Variants in ZNF512B observed in about 807,000 individuals in gnomAD.
The protein encoded by ZNF512B is zinc finger protein 512B.
Under a neutral mutation model 87.8 loss-of-function variants are expected in ZNF512B, and 22 were observed. The observed-to-expected ratio is 0.25, with a 90% CI of 0.18 to 0.36. The LOEUF (loss-of-function observed/expected upper bound fraction) is 0.36. Among genes scored for constraint, ZNF512B ranks in the 10% least tolerant of loss-of-function variants. The pLI, the probability that ZNF512B is intolerant of heterozygous loss-of-function variation, is 1.00. For missense variants in ZNF512B, 1,060 were observed against 1,231.6 expected (o/e 0.86, Z 2.09); for synonymous variants, 524 against 490.9 (o/e 1.07, Z -0.89).
Position 63,958,463 on chromosome 20 carries a change from C to G in ZNF512B, c.*1425G>C, listed in dbSNP as rs987679182. ...CCACTACACCCAGGAGACACACGCA[C>G]ACGGGCAAACATCAAAATTCTCATC... On this transcript the variant is annotated 3_prime_UTR_variant, in exon 17 of 17. Coordinates refer to ENST00000369888, the MANE Select transcript of ZNF512B (RefSeq NM_020713.3). 6.6e-6 allele frequency: 1 copy of G among 152,386 alleles called. No homozygotes were observed. Among genetic ancestry groups the G allele is most frequent in the African/African-American group, 2.4e-5 (1 of 41,456 alleles). 9.4% of individuals were successfully genotyped at this position (152,386 alleles called of 1,614,324 possible).
chr20:63,966,387 G>A lies in ZNF512B; in HGVS notation c.788C>T (p.Ser263Phe). 6.2e-7 allele frequency: 1 copy of A among 1,613,866 alleles called. No homozygotes were observed. The highest frequency in any genetic ancestry group is 8.5e-7 in the Non-Finnish European group (1 of 1,179,898). Reference protein sequence around the residue: ...PVTKPITVTKSVPVTKPVPVT... With the variant: ...PVTKPITVTKFVPVTKPVPVT... The stretch of plus-strand genomic sequence containing the variant: ...AGGTACGGGTTTGGTGACCGGCACA[G>A]ACTTGGTGACTGTGATGGGTTTGGT... The change falls in exon 5 of 17, where the codon TCT (serine) becomes TTT (phenylalanine). Residue 263 changes from serine to phenylalanine, a missense_variant. Ser to Phe is a radical substitution (Grantham distance 155, BLOSUM62 -2). Around this residue, in one of 9 missense-constraint regions of ZNF512B, gnomAD observed 201 missense variants for 226.8 expected, o/e 0.89. Transcript: ENST00000369888.
chr20:63,962,135 C>A, intron 14 of ZNF512B, 131 bp from the exon 15 acceptor site: 4 of 1,297,764 alleles, frequency 3.1e-6, no homozygotes, highest in South Asian at 2.7e-5. Flanking sequence ...GGGGACTGGG[C>A]AGGCTGGGCA....
At chr20:63,965,024 G>A (rs560628222) in intron 5 of ZNF512B, among the ~76,000 whole-genome samples, 5 of 26,594 alleles carry the variant, frequency 1.9e-4, no homozygotes, top group African/African-American at 1.1e-3. Context: ...GACCTGGGAC[G>A]AGCCCCCATA....
Position 63,964,119 on chromosome 20 carries a change from T to C in ZNF512B, c.1432A>G (p.Ile478Val). The change falls in exon 8 of 17, where the codon ATC becomes GTC. Residue 478 changes from isoleucine (I) to valine (V), a missense_variant. This residue lies in a region of ZNF512B where 212 missense variants were observed against 207.6 expected (regional missense o/e 1.02). Transcript: ENST00000369888. ...GCCGGTGCCTCCTTGCTGACAGTGA[T>C]GGGGGCAGCTGGCACCTTCTTCCGG... ...DARKKVPAAP[I>V]TVSKEAPAPV... 6.2e-7 allele frequency: 1 copy of C among 1,608,232 alleles called. No individual in the cohort carries two copies. The highest frequency in any genetic ancestry group is 8.5e-7 in the Non-Finnish European group (1 of 1,178,242).
chr20:63,967,288 G>A lies in ZNF512B; in HGVS notation c.264+93C>T, dbSNP rs1022459183. On this transcript the variant is annotated intron_variant, in intron 3 of 16. Transcript: ENST00000369888. Reference sequence around the variant, plus strand: ...TGCCCACATCTTGAGGCATAGAGTTGGTACCAGATGTGCAGAGGACAAATC... The same window carrying A: ...TGCCCACATCTTGAGGCATAGAGTTAGTACCAGATGTGCAGAGGACAAATC... The A allele has an allele frequency of 5.4e-6, 8 of 1,491,188 alleles. No individual in the cohort carries two copies. In the African/African-American group the frequency reaches 8.4e-5, roughly 16 times the overall value. 92.4% of individuals were successfully genotyped at this position (1,491,188 alleles called of 1,614,324 possible).
At position 63,957,210 on chromosome 20, in the gene ZNF512B, C is replaced by T. The variant is rs1390812880; in HGVS notation, c.*2678G>A. On this transcript the variant is annotated 3_prime_UTR_variant, in exon 17 of 17. Coordinates refer to ENST00000369888, the MANE Select transcript of ZNF512B (RefSeq NM_020713.3). ...CTTTGCACCAGCAAATAAAGTGCAT[C>T]CCATTTTCGTGTGAGCGTCGGCCCG... The T allele has an allele frequency of 6.6e-6, 1 of 152,650 alleles. No individual in the cohort carries two copies. The highest frequency in any genetic ancestry group is 6.5e-5 in the Admixed American group (1 of 15,292). The allele number at this position is 152,650 out of a possible 1,614,324, so 9.5% of individuals were successfully genotyped here.
Position 63,966,489 on chromosome 20 carries a change from G to A in ZNF512B, c.686C>T (p.Pro229Leu), listed in dbSNP as rs202032995. The A allele has an allele frequency of 6.8e-6, 11 of 1,614,008 alleles. No homozygotes were observed. Among genetic ancestry groups the A allele is most frequent in the African/African-American group, 4.0e-5 (3 of 75,048 alleles). Residue 229 changes from proline to leucine, a missense_variant, in exon 5 of 17, where the codon CCG (proline) becomes CTG (leucine). Coordinates refer to ENST00000369888, the MANE Select transcript of ZNF512B (RefSeq NM_020713.3). ...GGTGACTGGCACGGGCCTAGTGACCGGGATGGCCTTGGTGACTGGCATGGG... is the reference window on the plus strand; with the variant it reads ...GGTGACTGGCACGGGCCTAGTGACCAGGATGGCCTTGGTGACTGGCATGGG... Reference protein sequence around the residue: ...GRPMPVTKAIPVTRPVPVTKP... With the variant: ...GRPMPVTKAILVTRPVPVTKP...
In ZNF512B at chr20:63,962,992, G is replaced by A. The variant is rs137981139; in HGVS notation, c.1968+103C>T. The stretch of plus-strand genomic sequence containing the variant: ...TTACAGAGAGGGGTGGGAAACACAC[G>A]CGTTGGGCGGTACATGGACAAATAC... On this transcript the variant is annotated intron_variant, in intron 12 of 16. Coordinates refer to ENST00000369888, the MANE Select transcript of ZNF512B (RefSeq NM_020713.3). 4.2e-4 allele frequency: 588 copies of A among 1,392,298 alleles called. 1 individual carries two copies. In the African/African-American group the frequency reaches 6.7e-3, roughly 16 times the overall value. 86.2% of individuals were successfully genotyped at this position (1,392,298 alleles called of 1,614,324 possible).
chr20:63,966,570 T>C lies in ZNF512B; in HGVS notation c.605A>G (p.Lys202Arg). Residue 202 changes from lysine (K) to arginine (R), a missense_variant, in exon 5 of 17, where the codon AAA (lysine) becomes AGA (arginine). By Grantham distance (26) the Lys-to-Arg change is conservative (BLOSUM62 2). Transcript: ENST00000369888. ...AATGGGTTTGCTGACACCCACAGGT[T>C]TGCCAATAGTGACAGGTTTGCTCAC... ...IGVSKPVTIG[K>R]PVGVSKPIGI... is the part of the protein sequence containing the mutation. 1 of 1,613,872 alleles carries C rather than the reference T, an allele frequency of 6.2e-7. No individual in the cohort carries two copies. The highest frequency in any genetic ancestry group is 8.5e-7 in the Non-Finnish European group (1 of 1,179,996).
chr20:63,967,103 C>T (rs1050293510), intron 3 of ZNF512B, 99 bp from the exon 4 acceptor site: 14 of 1,545,272 alleles, frequency 9.1e-6, no homozygotes, highest in African/African-American at 6.9e-5. Context: ...GCAGGGCACA[C>T]ACACCACATG....
In ZNF512B at chr20:63,963,398, G is replaced by A. The variant is rs865852792; in HGVS notation, c.1741C>T (p.Arg581Cys). The change falls in exon 11 of 17, where the codon CGC (arginine) becomes TGC (cysteine). Residue 581 changes from arginine to cysteine, a missense_variant. By Grantham distance (180) the Arg-to-Cys change is radical. Transcript: ENST00000369888. Reference protein sequence around the residue: ...EASEGGEQEERERLRKVLKQM... With the variant: ...EASEGGEQEECERLRKVLKQM... Reference sequence around the variant, plus strand: ...TTCAGCACCTTGCGCAGCCTCTCGCGCTCCTCCTGCTCGCCCCCTTCGGAG... The same window carrying A: ...TTCAGCACCTTGCGCAGCCTCTCGCACTCCTCCTGCTCGCCCCCTTCGGAG... 5 of 1,548,622 alleles carry A rather than the reference G, an allele frequency of 3.2e-6. No individual in the cohort carries two copies. The highest frequency in any genetic ancestry group is 1.2e-5 in the South Asian group (1 of 84,866).
chr20:63,967,809 T>C, intron 2 of ZNF512B, 21 bp downstream of exon 2: 1 of 1,605,914 alleles, frequency 6.2e-7, no homozygotes, highest in Non-Finnish European at 8.5e-7. Context: ...TGGAATTGAC[T>C]CTGGCCCTGA....
At position 63,961,877 on chromosome 20, in the gene ZNF512B, G is replaced by C; in HGVS notation, c.2328+65C>G. On this transcript the variant is annotated intron_variant, in intron 15 of 16. Coordinates refer to ENST00000369888, the MANE Select transcript of ZNF512B (RefSeq NM_020713.3). This position sits in a 1 kb window ranked among gnomAD's most constrained non-coding sequence, Gnocchi z 6.4. ...TCCCTCACTACTGTGTGGGAAGCCCGCGTGGGGTGAGCTGGGAGCTCTGAG... is the reference window on the plus strand; with the variant it reads ...TCCCTCACTACTGTGTGGGAAGCCCCCGTGGGGTGAGCTGGGAGCTCTGAG... 1 of 1,512,822 alleles carries C rather than the reference G, an allele frequency of 6.6e-7. No homozygotes were observed. Among genetic ancestry groups the C allele is most frequent in the Non-Finnish European group, 9.0e-7 (1 of 1,113,248 alleles). The allele number at this position is 1,512,822 out of a possible 1,614,324, so 93.7% of individuals were successfully genotyped here. A position where few individuals can be genotyped will look rare whatever the true frequency, so the allele number is the denominator to read the frequency against.
At position 63,962,811 on chromosome 20, in the gene ZNF512B, G is replaced by A. The variant is rs752425796; in HGVS notation, c.1969-30C>T. On this transcript the variant is annotated intron_variant, in intron 12 of 16. Transcript: ENST00000369888. ...AGGGCAGGAAGGCATGGAGGCTAGA[G>A]TGAGCCGCGGGAGCAAGAGTCAGGT... is the stretch of plus-strand genomic sequence containing the variant. The A allele has an allele frequency of 1.9e-6, 3 of 1,558,718 alleles. No homozygotes were observed. The African/African-American group carries it at 4.1e-5, about 21-fold the overall frequency.
chr20:63,964,579 G>C lies in ZNF512B; in HGVS notation c.1172C>G (p.Pro391Arg), dbSNP rs2058900298. ...CATGCCCCCTGACGGCCTGCTGCCT[G>C]GCGACAAGGAGCCACTGCTGGTGTC... ...SADTSSGSLS[P>R]GSRPSGGMEA... Residue 391 changes from proline to arginine, a missense_variant, in exon 6 of 17, where the codon CCA becomes CGA. Physicochemically the swap from Pro to Arg is moderately radical, Grantham distance 103. Around this residue, in one of 9 missense-constraint regions of ZNF512B, gnomAD observed 212 missense variants for 207.6 expected, o/e 1.02. Coordinates refer to ENST00000369888, the MANE Select transcript of ZNF512B (RefSeq NM_020713.3). 6.2e-7 allele frequency: 1 copy of C among 1,613,120 alleles called. No individual in the cohort carries two copies.
intron 6 of ZNF512B, 30 bp downstream of exon 6, chr20:63,964,460 C>T (rs768158630): frequency 1.9e-5 from 31 of 1,613,188 alleles, no homozygotes; most frequent in Middle Eastern, 3.3e-4. Flanking sequence ...GAGCCTGCCC[C>T]GGCCGCCACC....
chr20:63,964,092 G>A lies in ZNF512B; in HGVS notation c.1459C>T (p.Pro487Ser). 6.2e-7 allele frequency: 1 copy of A among 1,609,716 alleles called. No homozygotes were observed. The change falls in exon 8 of 17, where the codon CCT becomes TCT. Residue 487 changes from proline to serine, a missense_variant. Coordinates refer to ENST00000369888, the MANE Select transcript of ZNF512B (RefSeq NM_020713.3). Reference sequence around the variant, plus strand: ...CTACCTGGAGCTGGGTGGGCCACAGGGGCCGGTGCCTCCTTGCTGACAGTG... The same window carrying A: ...CTACCTGGAGCTGGGTGGGCCACAGAGGCCGGTGCCTCCTTGCTGACAGTG... The part of the protein sequence containing the change: ...PITVSKEAPA[P>S]VAHPAPGGPE...
In ZNF512B at chr20:63,957,576, G is replaced by A. The variant is rs2146871180; in HGVS notation, c.*2312C>T. On this transcript the variant is annotated 3_prime_UTR_variant, in exon 17 of 17. Coordinates refer to ENST00000369888, the MANE Select transcript of ZNF512B (RefSeq NM_020713.3). ...CCCCACGCCTACCTTAAAGACAAAGGGGGTTAAAGTGCTAAACATCAAGGT... is the reference window on the plus strand; with the variant it reads ...CCCCACGCCTACCTTAAAGACAAAGAGGGTTAAAGTGCTAAACATCAAGGT... 6.6e-6 allele frequency: 1 copy of A among 152,618 alleles called. No individual in the cohort carries two copies. Among genetic ancestry groups the A allele is most frequent in the East Asian group, 1.9e-4 (1 of 5,188 alleles). 9.5% of individuals were successfully genotyped at this position (152,618 alleles called of 1,614,324 possible). A position where few individuals can be genotyped will look rare whatever the true frequency, so the allele number is the denominator to read the frequency against.
intron 6 of ZNF512B, 21 bp downstream of exon 6, chr20:63,964,468 AC>A (rs1444392313): frequency 8.1e-6 from 13 of 1,613,046 alleles, no homozygotes; most frequent in Non-Finnish European, 4.2e-6. Flanking sequence ...CCCGGCCGCC[AC>A]CCCTGGAGCT....
Sources: gnomAD v4.1 joint callset for allele counts (sites outside exome capture counted in the v4.1 genomes callset) on GRCh38, gnomAD v4.1.1 for gene constraint, gnomAD v4.1.1 regional missense constraint, Gnocchi (gnomAD v3.1) non-coding constraint, MANE v1.5 for transcripts, NCBI Gene and HGNC (gene_info 2026-07-23, HGNC 2026-07-21) for gene names.